The following ARHGAP15 variants were observed in gnomAD, a reference collection of about 807,000 sequenced individuals.
ARHGAP15 encodes the protein Rho GTPase activating protein 15.
Under a neutral mutation model 63.7 loss-of-function variants are expected in ARHGAP15, and 51 were observed. The observed-to-expected ratio is 0.80, with a 90% confidence interval of 0.64 to 1.01. The LOEUF (loss-of-function observed/expected upper bound fraction) is 1.01, where lower values mean the gene tolerates loss of function less well. Ranked by LOEUF, ARHGAP15 falls within the 50% of genes least tolerant of loss-of-function variation. The pLI, the probability that ARHGAP15 is intolerant of heterozygous loss-of-function variation, is 0.00. For missense variants in ARHGAP15, 560 were observed against 564.6 expected (o/e 0.99, Z 0.08); for synonymous variants, 191 against 193.8 (o/e 0.99, Z 0.12).
At chr2:143,734,469 T>TGTCCTCATAAATCCCCC in intron 13 of ARHGAP15, among the ~76,000 whole-genome samples, 1 of 152,350 alleles carries the variant, frequency 6.6e-6, no homozygotes, top group South Asian at 2.1e-4. Context: ...AAAAATCCCA[T>TGTCCTCATAAATCCCCC]GTTCTCATAA....
At chr2:143,320,410 C>CCGCCCCCCCCCCG (rs1553463623) in intron 6 of ARHGAP15, among the ~76,000 whole-genome samples, 271 of 18,886 alleles carry the variant, frequency 0.014, 8 homozygotes, top group Non-Finnish European at 0.023. Context: ...ACTTCCCCAC[C>CCGCCCCCCCCCCG]CCCCCCCCCC....
intron 13 of ARHGAP15, among the ~76,000 whole-genome samples, chr2:143,751,616 C>T (rs1037749029): frequency 4.6e-5 from 7 of 152,156 alleles, no homozygotes; most frequent in African/African-American, 1.7e-4. Context: ...ATCCTCCACT[C>T]TCTATTCGAG....
chr2:143,434,214 A>G (rs573441298), intron 6 of ARHGAP15, among the ~76,000 whole-genome samples: 161 of 152,144 alleles, frequency 1.1e-3, no homozygotes, highest in African/African-American at 3.6e-3. Context: ...TTATTTTTAA[A>G]TCTTTCACTT....
At chr2:143,524,058 G>C (rs182718482) in intron 10 of ARHGAP15, among the ~76,000 whole-genome samples, 1 of 152,214 alleles carries the variant, frequency 6.6e-6, no homozygotes, top group African/African-American at 2.4e-5. Context: ...TGACAGGAAT[G>C]GTACACAAAG....
At chr2:143,542,578 A>G (rs6733817) in intron 10 of ARHGAP15, among the ~76,000 whole-genome samples, 120,635 of 146,980 alleles carry the variant, frequency 0.82, 49,642 homozygotes, top group South Asian at 0.85. Flanking sequence ...GTGTGTGTGC[A>G]CATATATATC....
At chr2:143,373,118 G>T (rs978585491) in intron 6 of ARHGAP15, among the ~76,000 whole-genome samples, 2 of 151,850 alleles carry the variant, frequency 1.3e-5, no homozygotes, top group African/African-American at 4.8e-5. Flanking sequence ...CTTTTATATT[G>T]GACAACTTTA....
At chr2:143,511,962 G>A (rs1452910980) in intron 9 of ARHGAP15, among the ~76,000 whole-genome samples, 2 of 152,118 alleles carry the variant, frequency 1.3e-5, no homozygotes, top group Non-Finnish European at 2.9e-5. Context: ...TTAATTCATT[G>A]TCTGTCAAGG....
chr2:143,544,723 GT>G (rs1190851262), intron 10 of ARHGAP15, among the ~76,000 whole-genome samples: 1 of 152,166 alleles, frequency 6.6e-6, no homozygotes, highest in Non-Finnish European at 1.5e-5. Context: ...TGCCTGGAGA[GT>G]TGGAATTCAC....
At chr2:143,637,888 A>G (rs894688044) in intron 12 of ARHGAP15, among the ~76,000 whole-genome samples, 1 of 152,220 alleles carries the variant, frequency 6.6e-6, no homozygotes, top group Non-Finnish European at 1.5e-5. Flanking sequence ...CAGCCAAAAA[A>G]CACATGAAAA....
intron 9 of ARHGAP15, among the ~76,000 whole-genome samples, chr2:143,497,036 G>A (rs1031643775): frequency 2.0e-5 from 3 of 152,208 alleles, no homozygotes; most frequent in Non-Finnish European, 4.4e-5. Context: ...GGACTGACAA[G>A]CTTCCACAAA....
At chr2:143,447,695 T>C (rs572991426) in intron 8 of ARHGAP15, among the ~76,000 whole-genome samples, 2 of 152,328 alleles carry the variant, frequency 1.3e-5, no homozygotes, top group East Asian at 3.9e-4. Flanking sequence ...TCAGAATTAT[T>C]AGCTTGGCTC....
intron 12 of ARHGAP15, among the ~76,000 whole-genome samples, chr2:143,688,326 G>T (rs1356557549): frequency 6.6e-6 from 1 of 152,142 alleles, no homozygotes; most frequent in Non-Finnish European, 1.5e-5. Flanking sequence ...AACTTGTTTA[G>T]TATCTCTCCA....
intron 11 of ARHGAP15, among the ~76,000 whole-genome samples, chr2:143,622,295 A>G (rs1390498234): frequency 6.6e-6 from 1 of 152,114 alleles, no homozygotes; most frequent in African/African-American, 2.4e-5. Flanking sequence ...GGTAGTGGGT[A>G]GGGAGAAAAT....
intron 10 of ARHGAP15, among the ~76,000 whole-genome samples, chr2:143,534,702 AAC>A (rs1281374289): frequency 6.6e-6 from 1 of 151,930 alleles, no homozygotes; most frequent in Non-Finnish European, 1.5e-5. Flanking sequence ...AACATGGCAA[AAC>A]ACTGTCTGTA....
At chr2:143,413,316 G>C (rs1216057217) in intron 6 of ARHGAP15, among the ~76,000 whole-genome samples, 1 of 152,082 alleles carries the variant, frequency 6.6e-6, no homozygotes, top group Non-Finnish European at 1.5e-5. Context: ...GTGAGGGATG[G>C]TATATTTCTG....
intron 13 of ARHGAP15, among the ~76,000 whole-genome samples, chr2:143,727,674 G>A (rs533438771): frequency 1.3e-5 from 2 of 152,170 alleles, no homozygotes; most frequent in South Asian, 4.1e-4. Context: ...TGTTCTCCAT[G>A]AGTCTTTGTT....
intron 4 of ARHGAP15, among the ~76,000 whole-genome samples, chr2:143,218,577 A>C (rs891019407): frequency 6.6e-6 from 1 of 152,210 alleles, no homozygotes; most frequent in Non-Finnish European, 1.5e-5. Context: ...TCTATATAGC[A>C]TAAACATTTT....
chr2:143,186,694 A>T (rs535483846), intron 2 of ARHGAP15, among the ~76,000 whole-genome samples: 46 of 152,300 alleles, frequency 3.0e-4, no homozygotes, highest in African/African-American at 9.6e-4. Flanking sequence ...CCAGGACCAC[A>T]ATTTGGGAAT....
intron 3 of ARHGAP15, among the ~76,000 whole-genome samples, chr2:143,212,563 C>T (rs1394756948): frequency 6.6e-6 from 1 of 152,112 alleles, no homozygotes; most frequent in Non-Finnish European, 1.5e-5. Context: ...AAGTAGTATC[C>T]TAAACTTAGA....
Sources: allele counts gnomAD v4.1 joint callset (sites outside exome capture counted in the v4.1 genomes callset), GRCh38; gene constraint gnomAD v4.1.1; transcripts MANE v1.5; gene names NCBI Gene and HGNC (gene_info 2026-07-23, HGNC 2026-07-21).